Variants in LOC122539214 observed in about 807,000 individuals in gnomAD.
chr19:52,662,549 T>C, the LOC122539214 span, among the ~76,000 whole-genome samples: 1 of 152,186 alleles, frequency 6.6e-6, no homozygotes, highest in Admixed American at 6.5e-5. Context: ...GTTTTTTCCA[T>C]TCTGGTACTT....
chr19:52,687,403 G>T, the LOC122539214 span, among the ~76,000 whole-genome samples: 12 of 42,168 alleles, frequency 2.8e-4, 4 homozygotes, highest in East Asian at 9.7e-4. Context: ...AATTTATATA[G>T]CTATATAAAT....
At chr19:52,679,789 G>A in the LOC122539214 span, among the ~76,000 whole-genome samples, 2 of 152,068 alleles carry the variant, frequency 1.3e-5, no homozygotes, top group African/African-American at 4.8e-5. Context: ...TGAATTTTCT[G>A]TTTTTATGCA....
chr19:52,658,803 G>A, the LOC122539214 span, among the ~76,000 whole-genome samples: 3 of 152,092 alleles, frequency 2.0e-5, no homozygotes, highest in Admixed American at 6.5e-5. Flanking sequence ...GCCCTCTAGC[G>A]GGAGGCTGAC....
chr19:52,654,265 A>G, the LOC122539214 span: 2 of 1,560,446 alleles, frequency 1.3e-6, no homozygotes, highest in South Asian at 2.2e-5. Context: ...AAAGTCATGA[A>G]TATCTTTCTT....
chr19:52,666,890 TAA>T, the LOC122539214 span, among the ~76,000 whole-genome samples: 1 of 152,166 alleles, frequency 6.6e-6, no homozygotes, highest in Non-Finnish European at 1.5e-5. Context: ...CAATAAGTGA[TAA>T]AGAAACTCTT....
chr19:52,653,141 A>T, the LOC122539214 span: 1 of 1,472,556 alleles, frequency 6.8e-7, no homozygotes, highest in Non-Finnish European at 9.5e-7. Flanking sequence ...CACTCATGAC[A>T]GTTGTAAGGT....
chr19:52,657,128 A>C, the LOC122539214 span, among the ~76,000 whole-genome samples: 1 of 151,116 alleles, frequency 6.6e-6, no homozygotes, highest in African/African-American at 2.4e-5. Context: ...CCACCCTCCC[A>C]AAAGTTGGAA....
At chr19:52,679,565 T>C in the LOC122539214 span, among the ~76,000 whole-genome samples, 1 of 152,178 alleles carries the variant, frequency 6.6e-6, no homozygotes, top group African/African-American at 2.4e-5. Flanking sequence ...GAGCACAGAT[T>C]GCACCACTGC....
At chr19:52,685,188 G>A in the LOC122539214 span, among the ~76,000 whole-genome samples, 1 of 152,114 alleles carries the variant, frequency 6.6e-6, no homozygotes, top group Non-Finnish European at 1.5e-5. Flanking sequence ...TCATTTCAGG[G>A]GCCAGGGTCA....
At chr19:52,689,441 C>T in the LOC122539214 span, among the ~76,000 whole-genome samples, 18 of 151,744 alleles carry the variant, frequency 1.2e-4, no homozygotes, top group Non-Finnish European at 1.6e-4. Flanking sequence ...CCCTGCTGTG[C>T]TTCTCCCTCT....
chr19:52,658,967 C>A, the LOC122539214 span, among the ~76,000 whole-genome samples: 13 of 152,236 alleles, frequency 8.5e-5, no homozygotes, highest in African/African-American at 2.9e-4. Context: ...GCCTGGAGTG[C>A]GAGCTGCTCA....
the LOC122539214 span, among the ~76,000 whole-genome samples, chr19:52,664,202 T>TA: frequency 2.6e-4 from 37 of 142,392 alleles, no homozygotes; most frequent in South Asian, 6.6e-4. Context: ...TTTTTTTTTT[T>TA]AATTAAGAAC....
chr19:52,663,521 A>G, the LOC122539214 span, among the ~76,000 whole-genome samples: 1 of 152,226 alleles, frequency 6.6e-6, no homozygotes, highest in Non-Finnish European at 1.5e-5. Flanking sequence ...ACAGCTCACC[A>G]TTTAATCAGA....
the LOC122539214 span, among the ~76,000 whole-genome samples, chr19:52,666,983 GTAGT>G: frequency 6.6e-6 from 1 of 152,156 alleles, no homozygotes; most frequent in Non-Finnish European, 1.5e-5. Context: ...AAACTTTAAA[GTAGT>G]TACAGAATCA....
the LOC122539214 span, among the ~76,000 whole-genome samples, chr19:52,683,228 C>CTGTGTGTGTGTGTGTGTG: frequency 7.8e-6 from 1 of 128,060 alleles, no homozygotes; most frequent in East Asian, 2.2e-4. Flanking sequence ...CCCTGTGACT[C>CTGTGTGTGTGTGTGTGTG]TGTGTGTGTG....
At chr19:52,683,529 A>ACTCTGAGCGCATCACCTGCTGG in the LOC122539214 span, among the ~76,000 whole-genome samples, 1 of 20,398 alleles carries the variant, frequency 4.9e-5, no homozygotes, top group Admixed American at 2.9e-4. Flanking sequence ...TCCAAAGGGA[A>ACTCTGAGCGCATCACCTGCTGG]GGGCAAAGTC....
At chr19:52,661,573 A>C in the LOC122539214 span, among the ~76,000 whole-genome samples, 3 of 152,202 alleles carry the variant, frequency 2.0e-5, no homozygotes, top group Admixed American at 6.5e-5. Context: ...GATAATAGCA[A>C]TCTTTGATAG....
the LOC122539214 span, among the ~76,000 whole-genome samples, chr19:52,664,197 T>G: frequency 6.6e-6 from 1 of 151,984 alleles, no homozygotes; most frequent in Non-Finnish European, 1.5e-5. Flanking sequence ...TTTTTTTTTT[T>G]TTTTTAATTA....
chr19:52,652,353 T>C, the LOC122539214 span: 1 of 301,106 alleles, frequency 3.3e-6, no homozygotes, highest in South Asian at 3.0e-5. Context: ...GAGAATCGTA[T>C]GAACCTGGGA....
Sources: gnomAD v4.1 joint callset for allele counts (sites outside exome capture counted in the v4.1 genomes callset) on GRCh38, gnomAD v4.1.1 for gene constraint, MANE v1.5 for transcripts.